Variants in CYP51A1 observed in about 807,000 individuals in gnomAD.
CYP51A1 encodes the protein cytochrome P450 family 51 subfamily A member 1, also known as lanosterol 14-alpha demethylase.
CYP51A1 carries 45 observed loss-of-function variants against 53.5 expected under a neutral mutation model. That is an observed-to-expected ratio of 0.84 (90% CI 0.66 to 1.08). The LOEUF is 1.08. CYP51A1 is among the 50% of genes least tolerant of loss of function. The pLI, the probability that CYP51A1 is intolerant of heterozygous loss-of-function variation, is 0.00. For missense variants in CYP51A1, 462 were observed against 621.7 expected (o/e 0.74, Z 2.73); for synonymous variants, 181 against 217.7 (o/e 0.83, Z 1.48).
rs773579832 is a variant in CYP51A1 at position 92,113,696 on chromosome 7, G to C, written c.1499C>G (p.Pro500Arg). The C allele has an allele frequency of 5.0e-6, 8 of 1,611,762 alleles. No homozygotes were observed. The South Asian group carries it at 8.8e-5, about 18-fold the overall frequency. The change falls in exon 10 of 10, where the codon CCA (proline) becomes CGA (arginine). Residue 500 changes from proline (P) to arginine (R), a missense_variant. By Grantham distance (103) the Pro-to-Arg change is moderately radical. Coordinates refer to ENST00000003100, the MANE Select transcript of CYP51A1 (RefSeq NM_000786.4). ...YTTMIHTPEN[P>R]VIRYKRRSK ...TGATCTTCGTTTGTAACGGATAACT[G>C]GGTTTTCAGGGGTGTGAATCATAGT...
intron 9 of CYP51A1, among the ~76,000 whole-genome samples, chr7:92,115,517 G>A (rs1418091882): frequency 6.6e-6 from 1 of 152,186 alleles, no homozygotes; most frequent in African/African-American, 2.4e-5. Context: ...TGCAAGGAAG[G>A]ATTCTCCTGT....
At chr7:92,118,142 T>C (rs528870226) in intron 8 of CYP51A1, among the ~76,000 whole-genome samples, 4 of 150,390 alleles carry the variant, frequency 2.7e-5, no homozygotes, top group Non-Finnish European at 5.9e-5. Flanking sequence ...CCTCTTTTCT[T>C]TTTCTTTCTT....
intron 2 of CYP51A1, among the ~76,000 whole-genome samples, chr7:92,131,386 G>A (rs1427701626): frequency 5.9e-5 from 9 of 152,096 alleles, no homozygotes; most frequent in Admixed American, 5.2e-4. Context: ...TCATTCAAGT[G>A]GACAGTGAAA....
At chr7:92,133,659 G>A (rs1304247673) in intron 1 of CYP51A1, among the ~76,000 whole-genome samples, 3 of 152,092 alleles carry the variant, frequency 2.0e-5, no homozygotes, top group African/African-American at 7.2e-5. Context: ...CTTAATATGG[G>A]TATAAACCAC....
chr7:92,134,788 C>T (rs4278), upstream of CYP51A1: 3,742 of 174,412 alleles, frequency 0.021, 166 homozygotes, highest in African/African-American at 0.084. Context: ...GCTCGAGCGG[C>T]GACGGCGCGC....
intron 9 of CYP51A1, among the ~76,000 whole-genome samples, chr7:92,115,433 G>A (rs1219872764): frequency 6.6e-6 from 1 of 152,174 alleles, no homozygotes; most frequent in Non-Finnish European, 1.5e-5. Flanking sequence ...AAAGCCTGTT[G>A]AAGACAGGGG....
intron 2 of CYP51A1, among the ~76,000 whole-genome samples, chr7:92,130,189 C>T (rs1819888550): frequency 6.6e-6 from 1 of 152,106 alleles, no homozygotes; most frequent in Non-Finnish European, 1.5e-5. Flanking sequence ...CCAGACTGTC[C>T]GTGTTCAAAT....
At chr7:92,122,979 G>T (rs1042523261) in intron 7 of CYP51A1, 141 bp downstream of exon 7, 12 of 647,658 alleles carry the variant, frequency 1.9e-5, no homozygotes, top group African/African-American at 1.3e-4. Flanking sequence ...TTTAGGTAAG[G>T]TTATAGGGAA....
At chr7:92,118,719 T>TAA (rs1305525232) in intron 7 of CYP51A1, 104 bp from the exon 8 acceptor site, 1 of 692,028 alleles carries the variant, frequency 1.4e-6, no homozygotes, top group Admixed American at 2.1e-5. Flanking sequence ...GCATTCCAGC[T>TAA]AAAAGTACAG....
chr7:92,113,775 G>A lies in CYP51A1; in HGVS notation c.1420C>T (p.Arg474Cys). 8 of 1,612,720 alleles carry A rather than the reference G, an allele frequency of 5.0e-6. No homozygotes were observed. Among genetic ancestry groups the A allele is most frequent in the Non-Finnish European group, 6.8e-6 (8 of 1,179,282 alleles). The change falls in exon 10 of 10, where the codon CGT (arginine) becomes TGT (cysteine). Residue 474 changes from arginine to cysteine, a missense_variant. By Grantham distance (180) the Arg-to-Cys change is radical (BLOSUM62 -3). Coordinates refer to ENST00000003100, the MANE Select transcript of CYP51A1 (RefSeq NM_000786.4). ...QIKTIWSTML[R>C]LYEFDLIDGY... The stretch of plus-strand genomic sequence containing the variant: ...TCAATGAGATCAAATTCATATAAAC[G>A]AAGCATAGTGGACCAAATTGTCTTA...
rs916832415 is a variant in CYP51A1, at chr7:92,130,781, T to C, written c.291+993A>G. Among the ~76,000 whole-genome samples, 8 of 152,222 alleles carry C rather than the reference T, an allele frequency of 5.3e-5. No individual in the cohort carries two copies. The East Asian group carries it at 1.2e-3, about 22-fold the overall frequency. On this transcript the variant is annotated intron_variant, in intron 2 of 9. Transcript: ENST00000003100. ...GTCTCCTAAACAGGAGAAAAAATCATCTGCTTTGATGGAGAGGTAGAAAGA... is the reference window on the plus strand; with the variant it reads ...GTCTCCTAAACAGGAGAAAAAATCACCTGCTTTGATGGAGAGGTAGAAAGA...
chr7:92,131,073 G>A (rs1165056195), intron 2 of CYP51A1, among the ~76,000 whole-genome samples: 3 of 152,172 alleles, frequency 2.0e-5, no homozygotes, highest in East Asian at 1.9e-4. Context: ...TAACAGAAAC[G>A]ACATGCCATG....
At position 92,134,168 on chromosome 7, in the gene CYP51A1, C is replaced by G; in HGVS notation, c.192+5G>C. On this transcript the variant is annotated splice_donor_5th_base_variant and intron_variant, in intron 1 of 9. Coordinates refer to ENST00000003100, the MANE Select transcript of CYP51A1 (RefSeq NM_000786.4). ...CCCCACTCAGACCCTAAAGAATGTA[C>G]GTACCACCCCTGCGGGCAGCTGGAC... 6.2e-7 allele frequency: 1 copy of G among 1,611,238 alleles called. No homozygotes were observed. Among genetic ancestry groups the G allele is most frequent in the Non-Finnish European group, 8.5e-7 (1 of 1,179,548 alleles).
Position 92,113,309 on chromosome 7 carries a change from A to G in CYP51A1, c.*356T>C. 5.2e-6 allele frequency: 1 copy of G among 194,082 alleles called. No homozygotes were observed. The allele number at this position is 194,082 out of a possible 1,614,324, so 12.0% of individuals were successfully genotyped here. Reference sequence around the variant, plus strand: ...CTTTATACCTTGCAGGACTAGTCCAAGATTTGAATACCCTGAACTTATTTG... The same window carrying G: ...CTTTATACCTTGCAGGACTAGTCCAGGATTTGAATACCCTGAACTTATTTG... On this transcript the variant is annotated 3_prime_UTR_variant, in exon 10 of 10. Transcript: ENST00000003100.
chr7:92,134,452 G>T lies in CYP51A1; in HGVS notation c.-88C>A. The T allele has an allele frequency of 7.2e-7, 1 of 1,388,400 alleles. No homozygotes were observed. The highest frequency in any genetic ancestry group is 9.6e-7 in the Non-Finnish European group (1 of 1,039,620). The allele number at this position is 1,388,400 out of a possible 1,614,324, so 86.0% of individuals were successfully genotyped here. A position where few individuals can be genotyped will look rare whatever the true frequency, so the allele number is the denominator to read the frequency against. On this transcript the variant is annotated 5_prime_UTR_variant, in exon 1 of 10. It adds an upstream start codon to the 5' untranslated region. Coordinates refer to ENST00000003100, the MANE Select transcript of CYP51A1 (RefSeq NM_000786.4). ...AGAAGCTGGCAGATGGTCGTCCACA[G>T]GGGGCCTTGCCCCAGGTCTCCTACT...
Position 92,131,811 on chromosome 7 carries a change from T to C in CYP51A1, c.254A>G (p.Lys85Arg). ...ATTTTCTAGAAATTCAATTGGACTT[T>C]TCCCAAATGCTATGGCATGCCCAAG... is the stretch of plus-strand genomic sequence containing the variant. ...PFLGHAIAFG[K>R]SPIEFLENAY... Residue 85 changes from lysine to arginine, a missense_variant, in exon 2 of 10, where the codon AAA becomes AGA. Transcript: ENST00000003100. 1 of 1,590,148 alleles carries C rather than the reference T, an allele frequency of 6.3e-7. No individual in the cohort carries two copies. Among genetic ancestry groups the C allele is most frequent in the South Asian group, 1.1e-5 (1 of 87,764 alleles).
intron 9 of CYP51A1, 90 bp from the exon 10 acceptor site, chr7:92,113,933 A>T: frequency 2.7e-6 from 2 of 752,876 alleles, no homozygotes; most frequent in South Asian, 3.8e-5. Flanking sequence ...TTAGATGAAC[A>T]GCAAATGTAC....
At chr7:92,130,870 A>C (rs1563182061) in intron 2 of CYP51A1, among the ~76,000 whole-genome samples, 2 of 152,194 alleles carry the variant, frequency 1.3e-5, no homozygotes, top group Non-Finnish European at 2.9e-5. Flanking sequence ...AGTAGGCCCA[A>C]TCACAAGAAC....
chr7:92,128,993 C>A lies in CYP51A1; in HGVS notation c.355G>T (p.Ala119Ser). The change falls in exon 3 of 10, where the codon GCT (alanine) becomes TCT (serine). Residue 119 changes from alanine (A) to serine (S), a missense_variant. By Grantham distance (99) the Ala-to-Ser change is moderately conservative (BLOSUM62 1). Transcript: ENST00000003100. ...KTFTYLLGSD[A>S]AALLFNSKNE... ...TTACTATTAAAAAGCAGTGCAGCAGCATCACTCCCCAGAAGGTAAGTAAAT... is the reference window on the plus strand; with the variant it reads ...TTACTATTAAAAAGCAGTGCAGCAGAATCACTCCCCAGAAGGTAAGTAAAT... The A allele has an allele frequency of 6.2e-7, 1 of 1,613,800 alleles. No homozygotes were observed. Among genetic ancestry groups the A allele is most frequent in the Non-Finnish European group, 8.5e-7 (1 of 1,179,844 alleles).
Sources: allele counts gnomAD v4.1 joint callset (sites outside exome capture counted in the v4.1 genomes callset), GRCh38; gene constraint gnomAD v4.1.1; transcripts MANE v1.5; gene names NCBI Gene and HGNC (gene_info 2026-07-23, HGNC 2026-07-21).